The following PARD3 variants were observed in gnomAD, a reference collection of about 807,000 sequenced individuals.
PARD3 encodes par-3 family cell polarity regulator, also known as partitioning defective 3 homolog.
Under a neutral mutation model 155.4 loss-of-function variants are expected in PARD3, and 75 were observed. The ratio of observed to expected loss-of-function variants is 0.48; its 90% CI spans 0.40 to 0.58. The LOEUF (loss-of-function observed/expected upper bound fraction) is 0.58, where lower values mean the gene tolerates loss of function less well. Among genes scored for constraint, PARD3 ranks in the 20% least tolerant of loss-of-function variants. PARD3 has a pLI of 0.00. For missense variants in PARD3, 1,642 were observed against 1,721.7 expected (o/e 0.95, Z 0.82); for synonymous variants, 576 against 610.5 (o/e 0.94, Z 0.83).
At chr10:34,239,209 T>C (rs528639862) in intron 22 of PARD3, among the ~76,000 whole-genome samples, 1 of 152,344 alleles carries the variant, frequency 6.6e-6, no homozygotes, top group Admixed American at 6.5e-5. Flanking sequence ...GCCATTTCTT[T>C]AATCTAACAC....
intron 19 of PARD3, among the ~76,000 whole-genome samples, chr10:34,325,598 C>G (rs1358265220): frequency 6.6e-6 from 1 of 152,060 alleles, no homozygotes; most frequent in East Asian, 1.9e-4. Context: ...TTATCAAGTG[C>G]TCATTTATCC....
intron 5 of PARD3, among the ~76,000 whole-genome samples, chr10:34,438,012 C>T (rs1294441094): frequency 6.6e-6 from 1 of 152,178 alleles, no homozygotes; most frequent in African/African-American, 2.4e-5. Context: ...TAGCTCATAG[C>T]AGCTCTTACC....
intron 5 of PARD3, among the ~76,000 whole-genome samples, chr10:34,428,230 T>G (rs2075724554): frequency 6.6e-6 from 1 of 152,202 alleles, no homozygotes; most frequent in African/African-American, 2.4e-5. Context: ...TAATAAAAAT[T>G]TTAAAGCAGT....
intron 22 of PARD3, among the ~76,000 whole-genome samples, chr10:34,218,017 C>A (rs1460468951): frequency 6.6e-6 from 1 of 152,120 alleles, no homozygotes; most frequent in Non-Finnish European, 1.5e-5. Flanking sequence ...GTGACCGATG[C>A]CAGAATACTA....
intron 19 of PARD3, among the ~76,000 whole-genome samples, chr10:34,321,151 T>C (rs1464535163): frequency 1.3e-5 from 2 of 152,174 alleles, no homozygotes; most frequent in African/African-American, 4.8e-5. Flanking sequence ...AGATTTTAGG[T>C]TTTAAAATAA....
intron 2 of PARD3, among the ~76,000 whole-genome samples, chr10:34,531,183 G>C (rs117216987): frequency 0.014 from 2,073 of 152,238 alleles, 24 homozygotes; most frequent in Non-Finnish European, 0.02. Flanking sequence ...CCTAGTGCTT[G>C]ATCCTTTTCC....
At chr10:34,287,303 G>A (rs943937911) in intron 20 of PARD3, among the ~76,000 whole-genome samples, 6 of 152,046 alleles carry the variant, frequency 3.9e-5, no homozygotes, top group Admixed American at 3.9e-4. Flanking sequence ...GAACCATTTA[G>A]TGTTTCTGTT....
Position 34,783,484 on chromosome 10 carries a change from A to G in PARD3, c.120+31392T>C, listed in dbSNP as rs182858447. Among the ~76,000 whole-genome samples, 15 of 151,752 alleles carry G rather than the reference A, an allele frequency of 9.9e-5. No homozygotes were observed. The East Asian group carries it at 2.7e-3, about 28-fold the overall frequency. On this transcript the variant is annotated intron_variant, in intron 1 of 24. Coordinates refer to ENST00000374788, the MANE Select transcript of PARD3 (RefSeq NM_001184785.2). ...CTGGGCGTGGTGGCGGGCGCCTGTA[A>G]TCCCAGCTACTCAGGAGGCTGAGGC... is the stretch of plus-strand genomic sequence containing the variant.
chr10:34,766,068 C>T (rs1257926590), intron 1 of PARD3, among the ~76,000 whole-genome samples: 1 of 152,194 alleles, frequency 6.6e-6, no homozygotes, highest in Non-Finnish European at 1.5e-5. Flanking sequence ...ATTGAAATTA[C>T]TCCTTTTAGT....
intron 1 of PARD3, among the ~76,000 whole-genome samples, chr10:34,710,983 C>T (rs1031578848): frequency 6.6e-6 from 1 of 152,090 alleles, no homozygotes; most frequent in African/African-American, 2.4e-5. Context: ...CAAGACCAGC[C>T]TGGTCAACAT....
chr10:34,303,162 A>ATCTTTTTTTTTT (rs1957234866), intron 20 of PARD3, among the ~76,000 whole-genome samples: 1 of 132,002 alleles, frequency 7.6e-6, no homozygotes, highest in African/African-American at 3.0e-5. Flanking sequence ...GCCCAGGTGA[A>ATCTTTTTTTTTT]TTTTTTTTTT....
intron 1 of PARD3, among the ~76,000 whole-genome samples, chr10:34,715,373 A>G (rs2094504913): frequency 6.6e-6 from 1 of 152,080 alleles, no homozygotes; most frequent in East Asian, 1.9e-4. Context: ...CTGTGCATCA[A>G]CTTTGAGGAA....
At chr10:34,327,912 C>T (rs1319336335) in intron 19 of PARD3, among the ~76,000 whole-genome samples, 1 of 152,154 alleles carries the variant, frequency 6.6e-6, no homozygotes, top group Non-Finnish European at 1.5e-5. Context: ...CCAGGGGACA[C>T]ATAGCTAAGG....
At chr10:34,692,631 T>C (rs11009875) in intron 2 of PARD3, among the ~76,000 whole-genome samples, 42,144 of 152,204 alleles carry the variant, frequency 0.28, 7,102 homozygotes, top group Non-Finnish European at 0.38. Flanking sequence ...TCCTAGCACT[T>C]TGGGAGGCCA....
intron 1 of PARD3, among the ~76,000 whole-genome samples, chr10:34,804,551 C>G (rs141811615): frequency 6.6e-6 from 1 of 152,322 alleles, no homozygotes; most frequent in East Asian, 1.9e-4. Context: ...TATAACCCTG[C>G]TGGGCAGGAA....
At chr10:34,600,492 A>G (rs2089671648) in intron 2 of PARD3, among the ~76,000 whole-genome samples, 1 of 152,204 alleles carries the variant, frequency 6.6e-6, no homozygotes, top group African/African-American at 2.4e-5. Context: ...GAGGATGTGA[A>G]AAAACAGCAT....
chr10:34,256,904 C>T (rs1288258022), intron 22 of PARD3, among the ~76,000 whole-genome samples: 3 of 152,172 alleles, frequency 2.0e-5, no homozygotes, highest in East Asian at 1.9e-4. Context: ...TGTTCTGTAA[C>T]GATACAGAAA....
rs2092694109 is a variant in PARD3, at chr10:34,642,046, A to G, written c.222+54272T>C. ...ACACTGCCCAGAGCCCACCGGGGGC[A>G]CATCACCCCTGCGGGCAGTATCCAC... On this transcript the variant is annotated intron_variant, in intron 2 of 24. Coordinates refer to ENST00000374788, the MANE Select transcript of PARD3 (RefSeq NM_001184785.2). 2.6e-5 allele frequency among the ~76,000 whole-genome samples: 4 copies of G among 152,158 alleles called. No homozygotes were observed. In the South Asian group the frequency reaches 8.3e-4, roughly 32 times the overall value.
chr10:34,284,191 T>TA lies in PARD3; in HGVS notation c.3119dup (p.Gln1041ThrfsTer28). 6.2e-7 allele frequency: 1 copy of TA among 1,611,178 alleles called. No homozygotes were observed. The highest frequency in any genetic ancestry group is 8.5e-7 in the Non-Finnish European group (1 of 1,178,702). The stretch of plus-strand genomic sequence containing the variant: ...CCTCTTCTGATGTAAAGGATTCCTG[T>TA]ATTTTTATTTTACCCGTTTTCTCAA... On this transcript the variant is annotated frameshift_variant, in exon 21 of 25. Coordinates refer to ENST00000374788, the MANE Select transcript of PARD3 (RefSeq NM_001184785.2). LOFTEE classifies it high-confidence loss of function.
Sources: allele counts gnomAD v4.1 joint callset (sites outside exome capture counted in the v4.1 genomes callset), GRCh38; gene constraint gnomAD v4.1.1; transcripts MANE v1.5; gene names NCBI Gene and HGNC (gene_info 2026-07-23, HGNC 2026-07-21).